MAN1C1: variants seen among roughly 807,000 people sequenced by gnomAD.
MAN1C1 encodes mannosyl-oligosaccharide 1,2-alpha-mannosidase IC.
In MAN1C1, 49 loss-of-function variants were observed where a neutral mutation model predicts 71.5. The ratio of observed to expected loss-of-function variants is 0.69; its 90% CI spans 0.54 to 0.87. MAN1C1 has a LOEUF of 0.87. Among genes scored for constraint, MAN1C1 ranks in the 40% least tolerant of loss-of-function variants. The probability of loss-of-function intolerance (pLI) is 0.00; values close to 1 mark genes in which losing one functional copy is unlikely to be tolerated. For synonymous variants in MAN1C1, 352 were observed against 343.7 expected (o/e 1.02, Z -0.27); for missense variants, 743 against 835.0 (o/e 0.89, Z 1.36).
chr1:25,638,136 T>A (rs999623501), intron 1 of MAN1C1, among the ~76,000 whole-genome samples: 3 of 152,158 alleles, frequency 2.0e-5, no homozygotes, highest in Non-Finnish European at 4.4e-5. Flanking sequence ...TTCTTTTGAA[T>A]TAATCAAGTA....
intron 1 of MAN1C1, among the ~76,000 whole-genome samples, chr1:25,626,696 G>C (rs1168315140): frequency 1.3e-5 from 2 of 151,984 alleles, no homozygotes; most frequent in African/African-American, 4.8e-5. Context: ...ATAAATGTCT[G>C]TTTAAAACTT....
chr1:25,717,079 T>G (rs1437432880), intron 2 of MAN1C1, among the ~76,000 whole-genome samples: 1 of 152,256 alleles, frequency 6.6e-6, no homozygotes, highest in East Asian at 1.9e-4. Flanking sequence ...ATTGATTTGT[T>G]TCCAGTTTGA....
chr1:25,771,658 C>G lies in MAN1C1; in HGVS notation c.1143C>G (p.His381Gln). The change falls in exon 8 of 12, where the codon CAC becomes CAG. Residue 381 changes from histidine (H) to glutamine (Q), a missense_variant and splice_region_variant. Physicochemically the swap from His to Gln is conservative, Grantham distance 24. Transcript: ENST00000374332. ...TTCTTGTCCTCTTTCCCTTCACAGA[C>G]CATGTCTCAGTTGGAGGACTCGGGG... Reference protein sequence around the residue: ...LSPVSGNWVQHHVSVGGLGDS... With the variant: ...LSPVSGNWVQQHVSVGGLGDS... 1 of 1,610,094 alleles carries G rather than the reference C, an allele frequency of 6.2e-7. No homozygotes were observed. Among genetic ancestry groups the G allele is most frequent in the Non-Finnish European group, 8.5e-7 (1 of 1,176,356 alleles).
At chr1:25,768,409 TCA>T in intron 7 of MAN1C1, among the ~76,000 whole-genome samples, 1 of 67,154 alleles carries the variant, frequency 1.5e-5, no homozygotes, top group Non-Finnish European at 2.8e-5. Flanking sequence ...CACACTCCCC[TCA>T]AACACACCAC....
chr1:25,704,128 T>G (rs563707775), intron 2 of MAN1C1, among the ~76,000 whole-genome samples: 61 of 152,262 alleles, frequency 4.0e-4, no homozygotes, highest in African/African-American at 1.3e-3. Context: ...TCCCGCAGTG[T>G]TTCAGGCCCA....
intron 2 of MAN1C1, among the ~76,000 whole-genome samples, chr1:25,742,565 C>T (rs552910702): frequency 5.3e-5 from 8 of 152,296 alleles, no homozygotes; most frequent in Admixed American, 1.3e-4. Context: ...GGAGGGGCTG[C>T]CCAGTGCCAG....
chr1:25,656,080 G>A (rs972136259), intron 1 of MAN1C1, among the ~76,000 whole-genome samples: 5 of 126,710 alleles, frequency 3.9e-5, no homozygotes, highest in African/African-American at 1.8e-4. Context: ...TATGTCTTAG[G>A]TTGGGATTAT....
rs1251356380 is a variant in MAN1C1 at position 25,782,330 on chromosome 1, C to A, written c.1651-255C>A. 6.6e-6 allele frequency among the ~76,000 whole-genome samples: 1 copy of A among 151,984 alleles called. No homozygotes were observed. The highest frequency in any genetic ancestry group is 1.5e-5 in the Non-Finnish European group (1 of 67,968). On this transcript the variant is annotated intron_variant, in intron 10 of 11. Coordinates refer to ENST00000374332, the MANE Select transcript of MAN1C1 (RefSeq NM_020379.4). The surrounding 1 kb of genome is among the most constrained non-coding windows in gnomAD (Gnocchi z 4.4). ...TTCAAACCAGGTGAAGAGCTCAGGA[C>A]AGGCAGCCCATCGGGCCAGAGCTCT...
intron 7 of MAN1C1, among the ~76,000 whole-genome samples, chr1:25,767,415 A>T (rs895882013): frequency 1.7e-4 from 2 of 11,476 alleles, no homozygotes. Flanking sequence ...CACCCCACCC[A>T]CCCTCCCAGA....
chr1:25,673,909 C>T (rs1167990834), intron 1 of MAN1C1, among the ~76,000 whole-genome samples: 1 of 152,244 alleles, frequency 6.6e-6, no homozygotes, highest in East Asian at 1.9e-4. Flanking sequence ...GGTAGAGACA[C>T]TTGCACATGG....
intron 9 of MAN1C1, among the ~76,000 whole-genome samples, chr1:25,780,455 A>T (rs2047677616): frequency 6.6e-6 from 1 of 152,160 alleles, no homozygotes; most frequent in Non-Finnish European, 1.5e-5. Flanking sequence ...CAGTTTTCTA[A>T]GACAAAGGGT....
rs1374169315 is a variant in MAN1C1 at position 25,682,995 on chromosome 1, G to A, written c.541-3445G>A. Among the ~76,000 whole-genome samples, 65 of 149,030 alleles carry A rather than the reference G, an allele frequency of 4.4e-4. 1 individual carries two copies. The highest frequency in any genetic ancestry group is 1.9e-4 in the Non-Finnish European group (13 of 67,592). On this transcript the variant is annotated intron_variant, in intron 1 of 11. Transcript: ENST00000374332. ...AGAGGTTGTGGTAAGCTGAGATTTCGCCACCGCACTCCAGCCTGGACAGCA... is the reference window on the plus strand; with the variant it reads ...AGAGGTTGTGGTAAGCTGAGATTTCACCACCGCACTCCAGCCTGGACAGCA...
chr1:25,683,357 C>A (rs1218789925), intron 1 of MAN1C1, among the ~76,000 whole-genome samples: 1 of 152,204 alleles, frequency 6.6e-6, no homozygotes, highest in African/African-American at 2.4e-5. Context: ...ATATGTCTTG[C>A]CTGTGAAGCG....
intron 1 of MAN1C1, among the ~76,000 whole-genome samples, chr1:25,676,775 G>A (rs914100478): frequency 6.6e-6 from 1 of 152,152 alleles, no homozygotes; most frequent in Non-Finnish European, 1.5e-5. Flanking sequence ...CTGTGGTTCT[G>A]GGTCACTGCC....
intron 1 of MAN1C1, among the ~76,000 whole-genome samples, chr1:25,681,538 T>C (rs2124164486): frequency 6.6e-6 from 1 of 152,284 alleles, no homozygotes; most frequent in Middle Eastern, 3.4e-3. Flanking sequence ...TAGAGACTGA[T>C]AGGAGCACTC....
chr1:25,647,360 G>C (rs907822596), intron 1 of MAN1C1, among the ~76,000 whole-genome samples: 1 of 152,158 alleles, frequency 6.6e-6, no homozygotes, highest in Non-Finnish European at 1.5e-5. Flanking sequence ...CAAGGTGTTT[G>C]ACCCTAGGGC....
chr1:25,679,651 T>C (rs1479001383), intron 1 of MAN1C1, among the ~76,000 whole-genome samples: 1 of 151,978 alleles, frequency 6.6e-6, no homozygotes, highest in Non-Finnish European at 1.5e-5. Flanking sequence ...TCCGCAAACG[T>C]TAACATTAAT....
Position 25,713,061 on chromosome 1 carries a change from C to T in MAN1C1, c.637+26525C>T, listed in dbSNP as rs187158386. Among the ~76,000 whole-genome samples the T allele has an allele frequency of 2.0e-4, 30 of 152,358 alleles. No homozygotes were observed. In the East Asian group the frequency reaches 5.0e-3, roughly 25 times the overall value. ...GAATCTTCTTGCATAATCCTTCTAA[C>T]CTTACCCCTTTGAGGCTGGCCAGAG... is the stretch of plus-strand genomic sequence containing the variant. On this transcript the variant is annotated intron_variant, in intron 2 of 11. Coordinates refer to ENST00000374332, the MANE Select transcript of MAN1C1 (RefSeq NM_020379.4).
intron 4 of MAN1C1, among the ~76,000 whole-genome samples, chr1:25,750,147 C>T (rs1162468514): frequency 2.6e-5 from 4 of 152,234 alleles, no homozygotes; most frequent in African/African-American, 7.2e-5. Context: ...GATACCCCTT[C>T]GCTCAAAGAC....
Sources: allele counts gnomAD v4.1 joint callset (sites outside exome capture counted in the v4.1 genomes callset), GRCh38; gene constraint gnomAD v4.1.1; non-coding constraint Gnocchi (gnomAD v3.1); transcripts MANE v1.5; gene names NCBI Gene and HGNC (gene_info 2026-07-23, HGNC 2026-07-21).